FRK: variants seen among roughly 807,000 people sequenced by gnomAD.
The protein encoded by FRK is fyn related Src family tyrosine kinase.
FRK carries 51 observed loss-of-function variants against 56.4 expected under a neutral mutation model. The observed-to-expected ratio is 0.90, with a 90% CI of 0.72 to 1.14. The LOEUF (loss-of-function observed/expected upper bound fraction) is 1.14, where lower values mean the gene tolerates loss of function less well. Ranked by LOEUF, FRK falls within the 50% of genes most tolerant of loss-of-function variation. FRK has a pLI of 0.00. For missense variants in FRK, 570 were observed against 601.4 expected (o/e 0.95, Z 0.55); for synonymous variants, 245 against 217.9 (o/e 1.12, Z -1.10).
chr6:116,062,817 C>T (rs979876866), upstream of FRK, among the ~76,000 whole-genome samples: 2 of 152,220 alleles, frequency 1.3e-5, no homozygotes, highest in Non-Finnish European at 2.9e-5. Context: ...AGTTATCTTT[C>T]GTTTGCTCCC....
rs747707529 is a variant in FRK at position 115,934,461 on chromosome 6, C to T, written c.*7953G>A. The T allele has an allele frequency of 8.5e-5, 13 of 152,142 alleles. No homozygotes were observed. The highest frequency in any genetic ancestry group is 1.3e-4 in the Non-Finnish European group (9 of 68,036). The allele number at this position is 152,142 out of a possible 1,614,324, so 9.4% of individuals were successfully genotyped here. ...CTTGCCAGATGAGGAGAAGAGAACG[C>T]GGAACCCCAGTTTTGCCATTGATAG... On this transcript the variant is annotated 3_prime_UTR_variant, in exon 8 of 8. Transcript: ENST00000606080.
At chr6:115,996,073 T>C (rs980748179) in intron 2 of FRK, among the ~76,000 whole-genome samples, 7 of 152,140 alleles carry the variant, frequency 4.6e-5, no homozygotes, top group Admixed American at 1.3e-4. Flanking sequence ...AAGCAAAACA[T>C]CTTTAACCAA....
At chr6:116,058,469 T>C (rs927855302) in intron 1 of FRK, among the ~76,000 whole-genome samples, 5 of 152,196 alleles carry the variant, frequency 3.3e-5, no homozygotes, top group Admixed American at 2.6e-4. Context: ...TGTATGAGTT[T>C]GGAAAGCAGA....
At chr6:115,978,726 G>A (rs913168133) in intron 2 of FRK, among the ~76,000 whole-genome samples, 1 of 152,084 alleles carries the variant, frequency 6.6e-6, no homozygotes, top group African/African-American at 2.4e-5. Flanking sequence ...ACCACTTGTA[G>A]CACAATGCAT....
chr6:115,967,154 A>T (rs142118379), intron 4 of FRK, among the ~76,000 whole-genome samples: 2,810 of 152,324 alleles, frequency 0.018, 35 homozygotes, highest in Non-Finnish European at 0.027. Context: ...TTTTAACCAT[A>T]CAAAATTAAT....
rs147739302 is a variant in FRK at position 115,958,820 on chromosome 6, A to AAGAAAAAG, written c.800-2211_800-2210insCTTTTTCT. Among the ~76,000 whole-genome samples the AAGAAAAAG allele has an allele frequency of 3.9e-4, 52 of 132,686 alleles. 3 individuals are homozygous for AAGAAAAAG. The highest frequency in any genetic ancestry group is 9.2e-4 in the African/African-American group (32 of 34,952). 87.0% of individuals were successfully genotyped at this position (132,686 alleles called of 152,430 possible). On this transcript the variant is annotated intron_variant, in intron 4 of 7. Coordinates refer to ENST00000606080, the MANE Select transcript of FRK (RefSeq NM_002031.3). ...AGAAAAAGAAAGAAAGAAAGAAAGA[A>AAGAAAAAG]AAAGAAAGAAAGAAAGAAAGAGAAA...
chr6:115,977,904 G>A (rs1774044439), intron 2 of FRK, among the ~76,000 whole-genome samples: 1 of 152,180 alleles, frequency 6.6e-6, no homozygotes, highest in African/African-American at 2.4e-5. Context: ...TATCCGGTAT[G>A]TAAAGCAGAT....
chr6:115,979,638 C>A (rs906348814), intron 2 of FRK, among the ~76,000 whole-genome samples: 4 of 152,066 alleles, frequency 2.6e-5, no homozygotes, highest in African/African-American at 9.7e-5. Flanking sequence ...ACTGACACAC[C>A]CAGGGTCCTG....
At position 115,978,241 on chromosome 6, in the gene FRK, A is replaced by T. The variant is rs562076975; in HGVS notation, c.467-9502T>A. Among the ~76,000 whole-genome samples the T allele has an allele frequency of 2.2e-3, 333 of 152,196 alleles. 1 individual carries two copies. The highest frequency in any genetic ancestry group is 0.016 in the South Asian group (78 of 4,822). On this transcript the variant is annotated intron_variant, in intron 2 of 7. Transcript: ENST00000606080. ...CCAGTGTATCTACTTTTCAAAACTT[A>T]CTCTAAGGAAATAATCTAAATATTT...
At chr6:116,041,998 CA>C (rs1776735256) in intron 1 of FRK, among the ~76,000 whole-genome samples, 1 of 152,242 alleles carries the variant, frequency 6.6e-6, no homozygotes, top group South Asian at 2.1e-4. Context: ...GATCCACTGA[CA>C]TGAAATTCTT....
At chr6:115,955,843 T>C (rs1251273376) in intron 5 of FRK, among the ~76,000 whole-genome samples, 1 of 152,236 alleles carries the variant, frequency 6.6e-6, no homozygotes, top group Non-Finnish European at 1.5e-5. Context: ...TGTTGTTTAC[T>C]AAATTATCCA....
At chr6:116,000,223 CTTTTTTTTTTTTTTTTTTTTTTTTTT>C (rs561273499) in intron 2 of FRK, among the ~76,000 whole-genome samples, 6 of 53,120 alleles carry the variant, frequency 1.1e-4, no homozygotes, top group African/African-American at 4.5e-4. Flanking sequence ...ATCATTCTTT[CTTTTTTTTTTTTTTTTTTTTTTTTTT>C]TTTTTTTTTT....
chr6:116,090,041 AT>A, the FRK span, among the ~76,000 whole-genome samples: 1 of 152,196 alleles, frequency 6.6e-6, no homozygotes, highest in Non-Finnish European at 1.5e-5. Flanking sequence ...TAAACAAATA[AT>A]TTTTTAGCAT....
Position 115,939,299 on chromosome 6 carries a change from A to G in FRK, c.*3115T>C, listed in dbSNP as rs1772111533. 6.6e-6 allele frequency: 1 copy of G among 152,086 alleles called. No individual in the cohort carries two copies. The highest frequency in any genetic ancestry group is 2.1e-4 in the South Asian group (1 of 4,826). 9.4% of individuals were successfully genotyped at this position (152,086 alleles called of 1,614,324 possible). A position where few individuals can be genotyped will look rare whatever the true frequency, so the allele number is the denominator to read the frequency against. The stretch of plus-strand genomic sequence containing the variant: ...AATTCAACACCCCTTCATACTAAAA[A>G]CTCTCAATAAACTAGGTATTGATGG... On this transcript the variant is annotated 3_prime_UTR_variant, in exon 8 of 8. Coordinates refer to ENST00000606080, the MANE Select transcript of FRK (RefSeq NM_002031.3).
the FRK span, chr6:116,100,715 C>T: frequency 2.9e-6 from 1 of 347,060 alleles, no homozygotes; most frequent in Non-Finnish European, 5.1e-6. Context: ...TGACTCCGGG[C>T]GGCGCAGGAC....
At chr6:116,017,269 A>T (rs908928376) in intron 1 of FRK, among the ~76,000 whole-genome samples, 3 of 152,172 alleles carry the variant, frequency 2.0e-5, no homozygotes, top group Non-Finnish European at 4.4e-5. Context: ...TACACAGTGA[A>T]CTGCAACCTA....
chr6:115,950,470 T>C (rs889389892), intron 5 of FRK, among the ~76,000 whole-genome samples: 1 of 152,228 alleles, frequency 6.6e-6, no homozygotes, highest in Admixed American at 6.5e-5. Flanking sequence ...CACAATGAGA[T>C]AGCATGTCAT....
intron 5 of FRK, among the ~76,000 whole-genome samples, chr6:115,950,493 G>A (rs116972857): frequency 0.041 from 6,171 of 152,252 alleles, 337 homozygotes; most frequent in Admixed American, 0.15. Context: ...CAGTTAGAAT[G>A]GGATCATTAA....
Position 115,931,169 on chromosome 6 carries a change from T to C in FRK, c.*11245A>G, listed in dbSNP as rs1771952166. ...TCACGTGCTATGAACACATTGAATT[T>C]ATATTTTAGATCCACAATCAACTTG... On this transcript the variant is annotated 3_prime_UTR_variant, in exon 8 of 8. Transcript: ENST00000606080. 6.6e-6 allele frequency: 1 copy of C among 152,256 alleles called. No individual in the cohort carries two copies. The allele number at this position is 152,256 out of a possible 1,614,324, so 9.4% of individuals were successfully genotyped here.
Sources: allele counts gnomAD v4.1 joint callset (sites outside exome capture counted in the v4.1 genomes callset), GRCh38; gene constraint gnomAD v4.1.1; transcripts MANE v1.5; gene names NCBI Gene and HGNC (gene_info 2026-07-23, HGNC 2026-07-21).